Variants in HEATR1 observed in about 807,000 individuals in gnomAD.
HEATR1 encodes the protein HEAT repeat containing 1.
In HEATR1, 77 loss-of-function variants were observed where a neutral mutation model predicts 248.2. The observed-to-expected ratio is 0.31, with a 90% CI of 0.26 to 0.37. The LOEUF (loss-of-function observed/expected upper bound fraction) is 0.37, where lower values mean the gene tolerates loss of function less well. HEATR1 is among the 10% of genes least tolerant of loss of function. The pLI, the probability that HEATR1 is intolerant of heterozygous loss-of-function variation, is 1.00. For missense variants in HEATR1, 2,420 were observed against 2,504.9 expected (o/e 0.97, Z 0.72); for synonymous variants, 897 against 923.1 (o/e 0.97, Z 0.51).
At chr1:236,565,059 C>T (rs1379233259) in intron 31 of HEATR1, among the ~76,000 whole-genome samples, 1 of 152,154 alleles carries the variant, frequency 6.6e-6, no homozygotes, top group African/African-American at 2.4e-5. Context: ...ACTGCTAAGA[C>T]ACTTCCTTAC....
intron 29 of HEATR1, among the ~76,000 whole-genome samples, chr1:236,567,282 G>A (rs1455729583): frequency 6.6e-6 from 1 of 152,148 alleles, no homozygotes; most frequent in Non-Finnish European, 1.5e-5. Flanking sequence ...TCAGCCACAA[G>A]AGTTTTAATA....
intron 17 of HEATR1, among the ~76,000 whole-genome samples, chr1:236,584,321 C>T (rs982728676): frequency 2.0e-5 from 3 of 151,966 alleles, no homozygotes; most frequent in Non-Finnish European, 4.4e-5. Flanking sequence ...GACTATTTTT[C>T]AAAATATGAA....
intron 29 of HEATR1, 97 bp downstream of exon 29, chr1:236,568,899 A>AAAC (rs1553282010): frequency 1.2e-3 from 665 of 543,380 alleles, no homozygotes; most frequent in Non-Finnish European, 1.3e-3. Flanking sequence ...AAAAAAAAAC[A>AAAC]AAAAAAAAAA....
Position 236,576,328 on chromosome 1 carries a change from G to A in HEATR1, c.2975C>T (p.Ser992Phe). The A allele has an allele frequency of 1.2e-6, 2 of 1,610,586 alleles. No homozygotes were observed. Among genetic ancestry groups the A allele is most frequent in the South Asian group, 2.2e-5 (2 of 90,192 alleles). Residue 992 changes from serine to phenylalanine, a missense_variant, in exon 22 of 45, where the codon TCT becomes TTT. By Grantham distance (155) the Ser-to-Phe change is radical. Transcript: ENST00000366582. ...EELQREKKLKSHQKLSETLKN... is the reference protein window; with the variant it reads ...EELQREKKLKFHQKLSETLKN... ...CAAAGTTTCAGACAACTTCTGATGA[G>A]ATTTCAGTTTCTTTTCTCTCTGTAG... is the stretch of plus-strand genomic sequence containing the variant.
At chr1:236,597,254 AAAT>A (rs1450530356) in intron 5 of HEATR1, among the ~76,000 whole-genome samples, 3 of 82,648 alleles carry the variant, frequency 3.6e-5, no homozygotes, top group African/African-American at 1.0e-4. Flanking sequence ...ATTTAAAAAA[AAAT>A]TTTTTTTTTT....
At chr1:236,585,743 C>G in intron 16 of HEATR1, 77 bp downstream of exon 16, 1 of 1,474,150 alleles carries the variant, frequency 6.8e-7, no homozygotes, top group South Asian at 1.3e-5. Flanking sequence ...TAAGAAAAAT[C>G]TAGTAAAGCA....
chr1:236,571,609 A>T lies in HEATR1; in HGVS notation c.3785T>A (p.Ile1262Asn). Residue 1262 changes from isoleucine (I) to asparagine (N), a missense_variant, in exon 27 of 45, where the codon ATC (isoleucine) becomes AAC (asparagine). Ile to Asn is a moderately radical substitution (Grantham distance 149, BLOSUM62 -3). Coordinates refer to ENST00000366582, the MANE Select transcript of HEATR1 (RefSeq NM_018072.6). The stretch of plus-strand genomic sequence containing the variant: ...ACCATCTGGAGATAGTTTTTGGCAG[A>T]TGTTGAGCAGACAACTAAGAATTAA... Reference protein sequence around the residue: ...KQLILSCLLNICQKLSPDGGK... With the variant: ...KQLILSCLLNNCQKLSPDGGK... The T allele has an allele frequency of 1.2e-6, 2 of 1,614,134 alleles. No individual in the cohort carries two copies. Among genetic ancestry groups the T allele is most frequent in the Non-Finnish European group, 1.7e-6 (2 of 1,179,952 alleles).
intron 19 of HEATR1, among the ~76,000 whole-genome samples, chr1:236,581,715 C>T (rs1329791818): frequency 6.6e-6 from 1 of 152,188 alleles, no homozygotes; most frequent in East Asian, 1.9e-4. Flanking sequence ...GCAATGCCAA[C>T]TCCATGTCAA....
chr1:236,580,774 C>G (rs905612983), intron 20 of HEATR1, among the ~76,000 whole-genome samples: 5 of 151,378 alleles, frequency 3.3e-5, no homozygotes, highest in Middle Eastern at 3.5e-3. Context: ...GCCTTAGCCT[C>G]CCAAAGTGCT....
chr1:236,603,907 G>A (rs1422160487), intron 2 of HEATR1, 47 bp downstream of exon 2: 12 of 1,565,814 alleles, frequency 7.7e-6, no homozygotes, highest in Non-Finnish European at 5.2e-6. Context: ...GTAACATCCA[G>A]AAAACAAACG....
intron 17 of HEATR1, 36 bp downstream of exon 17, chr1:236,584,989 C>G (rs1204414241): frequency 6.4e-7 from 1 of 1,569,494 alleles, no homozygotes; most frequent in Admixed American, 1.8e-5. Context: ...TTGTTTTATT[C>G]AACATCCCAC....
chr1:236,595,004 T>G (rs1664134598), intron 8 of HEATR1, among the ~76,000 whole-genome samples: 1 of 152,122 alleles, frequency 6.6e-6, no homozygotes, highest in South Asian at 2.1e-4. Context: ...TTTGCCATGA[T>G]CTGCCCATCT....
chr1:236,564,584 G>A lies in HEATR1; in HGVS notation c.4513C>T (p.His1505Tyr). The change falls in exon 32 of 45, where the codon CAC becomes TAC. Residue 1505 changes from histidine (H) to tyrosine (Y), a missense_variant. By Grantham distance (83) the His-to-Tyr change is moderately conservative (BLOSUM62 2). Transcript: ENST00000366582. ...AAATGCCGCAGTTGCTTGCTAGTGT[G>A]AGTCTCTACATTAAAAACCTGTAGC... ...EMLQVFNVET[H>Y]TSKQLRHFKF... The A allele has an allele frequency of 2.5e-6, 4 of 1,613,870 alleles. No individual in the cohort carries two copies. The highest frequency in any genetic ancestry group is 3.4e-6 in the Non-Finnish European group (4 of 1,179,936).
At position 236,574,908 on chromosome 1, in the gene HEATR1, A is replaced by G. The variant is rs765988652; in HGVS notation, c.3085-5T>C. 1.9e-6 allele frequency: 3 copies of G among 1,612,134 alleles called. No homozygotes were observed. The highest frequency in any genetic ancestry group is 2.5e-6 in the Non-Finnish European group (3 of 1,179,256). ...CAATAGCTGAGAAAGCACCATCTAA[A>G]GATCCAAAGACTTAGTAGTAAATAG... On this transcript the variant is annotated splice_polypyrimidine_tract_variant and splice_region_variant and intron_variant, in intron 22 of 44. Coordinates refer to ENST00000366582, the MANE Select transcript of HEATR1 (RefSeq NM_018072.6).
intron 3 of HEATR1, among the ~76,000 whole-genome samples, chr1:236,602,492 C>T (rs1664352438): frequency 6.6e-6 from 1 of 152,190 alleles, no homozygotes; most frequent in African/African-American, 2.4e-5. Flanking sequence ...TTGTTTTTCT[C>T]AAGCAATGGT....
intron 17 of HEATR1, among the ~76,000 whole-genome samples, chr1:236,583,519 C>T (rs1270988042): frequency 7.6e-6 from 1 of 132,008 alleles, no homozygotes; most frequent in Non-Finnish European, 1.5e-5. Flanking sequence ...CGGAGTCTTG[C>T]TCTGTCACCC....
Position 236,555,643 on chromosome 1 carries a change from C to A in HEATR1, c.5662G>T (p.Glu1888Ter). ...ATACAATTTTCCGTTTTTCCAACTT[C>A]CTCCAGATCGTTCTGAAAACAGAAG... is the stretch of plus-strand genomic sequence containing the variant. The part of the protein sequence containing the change: ...RAQHSENDLE[E>*]VGKTENCIID... Residue 1888 changes from glutamate (E) to a stop codon, truncating the protein, a stop_gained, in exon 40 of 45, where the codon GAA becomes TAA. Coordinates refer to ENST00000366582, the MANE Select transcript of HEATR1 (RefSeq NM_018072.6). LOFTEE classifies it high-confidence loss of function. 1 of 1,614,220 alleles carries A rather than the reference C, an allele frequency of 6.2e-7. No homozygotes were observed. Among genetic ancestry groups the A allele is most frequent in the Non-Finnish European group, 8.5e-7 (1 of 1,180,026 alleles).
rs112914610 is a variant in HEATR1, at chr1:236,592,040, G to T, written c.1375C>A (p.Leu459Ile). 2,097 of 1,608,332 alleles carry T rather than the reference G, an allele frequency of 1.3e-3. 34 individuals are homozygous for T. In the African/African-American group the frequency reaches 0.026, roughly 20 times the overall value. Residue 459 changes from leucine to isoleucine, a missense_variant, in exon 11 of 45, where the codon CTT (leucine) becomes ATT (isoleucine). Leu to Ile is a conservative substitution (Grantham distance 5). Coordinates refer to ENST00000366582, the MANE Select transcript of HEATR1 (RefSeq NM_018072.6). Reference protein sequence around the residue: ...KEIADLKKQELFHQFVSLSTS... With the variant: ...KEIADLKKQEIFHQFVSLSTS... ...GAAAGAGAAACAAACTGATGGAAAA[G>T]CTCTTGTTTTTTCAGATCTGCAATT...
intron 5 of HEATR1, among the ~76,000 whole-genome samples, chr1:236,597,283 G>C (rs992159826): frequency 7.0e-6 from 1 of 143,538 alleles, no homozygotes; most frequent in African/African-American, 2.6e-5. Context: ...TTGAGATGGA[G>C]TCTCTGTCGC....
Sources: allele counts gnomAD v4.1 joint callset (sites outside exome capture counted in the v4.1 genomes callset), GRCh38; gene constraint gnomAD v4.1.1; transcripts MANE v1.5; gene names NCBI Gene and HGNC (gene_info 2026-07-23, HGNC 2026-07-21).